SMOC2: variants seen among roughly 807,000 people sequenced by gnomAD.
SMOC2 encodes the protein SPARC-related modular calcium-binding protein 2.
A neutral mutation model predicts 61.4 loss-of-function variants in SMOC2; 39 were observed. The observed-to-expected ratio is 0.64, with a 90% confidence interval of 0.49 to 0.83. SMOC2 has a LOEUF of 0.83. Among genes scored for constraint, SMOC2 ranks in the 40% least tolerant of loss-of-function variants. SMOC2 has a pLI of 0.00. For missense variants in SMOC2, 556 were observed against 592.9 expected (o/e 0.94, Z 0.65); for synonymous variants, 247 against 239.9 (o/e 1.03, Z -0.27).
At position 168,633,194 on chromosome 6, in the gene SMOC2, G is replaced by T. The variant is rs554073729; in HGVS notation, c.908-17487G>T. Among the ~76,000 whole-genome samples, 7 of 152,340 alleles carry T rather than the reference G, an allele frequency of 4.6e-5. No homozygotes were observed. The South Asian group carries it at 1.5e-3, about 32-fold the overall frequency. Reference sequence around the variant, plus strand: ...CAAAATAAACTTCGGAAAATTTGGTGTATTCAGATAATCATTTGAACCTTG... The same window carrying T: ...CAAAATAAACTTCGGAAAATTTGGTTTATTCAGATAATCATTTGAACCTTG... On this transcript the variant is annotated intron_variant, in intron 9 of 12. Transcript: ENST00000356284.
intron 9 of SMOC2, among the ~76,000 whole-genome samples, chr6:168,614,517 G>A (rs1209711148): frequency 1.5e-5 from 1 of 67,452 alleles, no homozygotes; most frequent in Non-Finnish European, 2.8e-5. Flanking sequence ...CCAGCACAGG[G>A]CCTCTTCACA....
In SMOC2 at chr6:168,510,056, C is replaced by T; in HGVS notation, c.226C>T (p.Leu76=). The change falls in exon 2 of 13, where the codon CTA becomes TTA. Residue 76 remains leucine (L), a synonymous_variant. Transcript: ENST00000356284. ...ACGTGCCAAGTGCAAAGATCCCCAG[C>T]TAGAGATTGCATATCGAGGAAACTG... is the stretch of plus-strand genomic sequence containing the variant. ...FQRAKCKDPQ[L]EIAYRGNCKD... 1 of 1,614,190 alleles carries T rather than the reference C, an allele frequency of 6.2e-7. No homozygotes were observed. The highest frequency in any genetic ancestry group is 8.5e-7 in the Non-Finnish European group (1 of 1,180,002).
At chr6:168,570,467 C>T (rs892545340) in intron 7 of SMOC2, among the ~76,000 whole-genome samples, 3 of 152,214 alleles carry the variant, frequency 2.0e-5, no homozygotes, top group African/African-American at 7.2e-5. Flanking sequence ...GCCCAGGGCG[C>T]ACTCCTGCTA....
At chr6:168,624,707 GAC>G (rs1185071948) in intron 9 of SMOC2, among the ~76,000 whole-genome samples, 1 of 150,902 alleles carries the variant, frequency 6.6e-6, no homozygotes, top group African/African-American at 2.4e-5. Flanking sequence ...GATGTACACG[GAC>G]ACACAGACAC....
Position 168,480,169 on chromosome 6 carries a change from T to A in SMOC2, c.85-29746T>A, listed in dbSNP as rs554026398. 2.0e-5 allele frequency among the ~76,000 whole-genome samples: 3 copies of A among 152,290 alleles called. No individual in the cohort carries two copies. The South Asian group carries it at 6.2e-4, about 32-fold the overall frequency. On this transcript the variant is annotated intron_variant, in intron 1 of 12. Transcript: ENST00000356284. ...ATGAAGAATCTGACTTCAAGAGTTATCACAGTATTAAATTCAAATGTCCAG... is the reference window on the plus strand; with the variant it reads ...ATGAAGAATCTGACTTCAAGAGTTAACACAGTATTAAATTCAAATGTCCAG...
chr6:168,652,530 A>C (rs1238658377), intron 10 of SMOC2, among the ~76,000 whole-genome samples: 1 of 152,228 alleles, frequency 6.6e-6, no homozygotes, highest in Non-Finnish European at 1.5e-5. Context: ...CCAACTTAAA[A>C]TGTTTTTGAT....
chr6:168,652,231 A>G (rs573139613), intron 10 of SMOC2, among the ~76,000 whole-genome samples: 1 of 152,310 alleles, frequency 6.6e-6, no homozygotes, highest in Admixed American at 6.5e-5. Context: ...GATGGCAGTA[A>G]ATGGATTGTT....
rs3065283 is a variant in SMOC2, at chr6:168,516,376, C to CAAAAA, written c.256+6300_256+6304dup. 7.2e-4 allele frequency among the ~76,000 whole-genome samples: 96 copies of CAAAAA among 134,082 alleles called. 3 individuals are homozygous for CAAAAA. In the South Asian group the frequency reaches 0.021, roughly 30 times the overall value. The allele number at this position is 134,082 out of a possible 152,430, so 88.0% of individuals were successfully genotyped here. The stretch of plus-strand genomic sequence containing the variant: ...AATCTCTGGCATTCCATAGAAAAGC[C>CAAAAA]AAAAAAAAAAAAAAGCCAAATGCCA... On this transcript the variant is annotated intron_variant, in intron 2 of 12. Coordinates refer to ENST00000356284, the MANE Select transcript of SMOC2 (RefSeq NM_001166412.2).
intron 1 of SMOC2, 133 bp from the exon 2 acceptor site, chr6:168,509,782 G>A (rs1297141379): frequency 2.7e-6 from 2 of 741,740 alleles, no homozygotes; most frequent in Non-Finnish European, 4.1e-6. Context: ...TCTGGCAGGG[G>A]TGAGAACCGG....
chr6:168,613,754 C>T (rs1343533388), intron 9 of SMOC2, among the ~76,000 whole-genome samples: 4 of 103,460 alleles, frequency 3.9e-5, no homozygotes, highest in Admixed American at 9.3e-5. Context: ...GGCCTCTTCA[C>T]ACCTACAGCC....
In SMOC2 at chr6:168,484,064, A is replaced by G. The variant is rs368239608; in HGVS notation, c.85-25851A>G. Among the ~76,000 whole-genome samples, 15 of 152,344 alleles carry G rather than the reference A, an allele frequency of 9.8e-5. No individual in the cohort carries two copies. The East Asian group carries it at 2.9e-3, about 29-fold the overall frequency. On this transcript the variant is annotated intron_variant, in intron 1 of 12. Transcript: ENST00000356284. ...TTCTTGGATATGATGTCAAAGGCACAGGCAACACAAGAAAAATTGTACAAA... is the reference window on the plus strand; with the variant it reads ...TTCTTGGATATGATGTCAAAGGCACGGGCAACACAAGAAAAATTGTACAAA...
chr6:168,557,729 G>C (rs983258712), intron 7 of SMOC2, among the ~76,000 whole-genome samples: 18 of 152,190 alleles, frequency 1.2e-4, no homozygotes, highest in South Asian at 2.1e-4. Flanking sequence ...TCATGGGTCT[G>C]ATGTTGACGT....
intron 1 of SMOC2, among the ~76,000 whole-genome samples, chr6:168,502,230 T>G (rs566656398): frequency 1.5e-4 from 23 of 151,604 alleles, no homozygotes; most frequent in African/African-American, 5.1e-4. Context: ...TCCAAACACT[T>G]TCTCGTGCAC....
chr6:168,487,993 T>C (rs1228587550), intron 1 of SMOC2, among the ~76,000 whole-genome samples: 1 of 152,192 alleles, frequency 6.6e-6, no homozygotes, highest in Non-Finnish European at 1.5e-5. Context: ...TCGAGAGCAA[T>C]ATTTGAGGAG....
intron 12 of SMOC2, chr6:168,664,780 C>A (rs1288885308): frequency 4.2e-6 from 2 of 471,162 alleles, no homozygotes; most frequent in South Asian, 3.1e-5. Context: ...CAACCCATCG[C>A]AAGTCAAGAA....
At chr6:168,659,108 C>T (rs1472642088) in intron 11 of SMOC2, among the ~76,000 whole-genome samples, 8 of 151,502 alleles carry the variant, frequency 5.3e-5, no homozygotes. Context: ...GGTGTGTAAA[C>T]ACTAATACTG....
chr6:168,464,482 T>C (rs1781785230), intron 1 of SMOC2, among the ~76,000 whole-genome samples: 1 of 152,070 alleles, frequency 6.6e-6, no homozygotes, highest in Non-Finnish European at 1.5e-5. Context: ...GGTAGACAGG[T>C]TCTCCAATAA....
chr6:168,580,364 C>T (rs971767709), intron 7 of SMOC2, among the ~76,000 whole-genome samples: 4 of 152,300 alleles, frequency 2.6e-5, no homozygotes, highest in Non-Finnish European at 4.4e-5. Flanking sequence ...CTGGAGAGGG[C>T]CTGGTCCTCA....
Position 168,664,126 on chromosome 6 carries a change from A to T in SMOC2, c.1323+15A>T, listed in dbSNP as rs1469239113. The T allele has an allele frequency of 6.3e-7, 1 of 1,593,640 alleles. No individual in the cohort carries two copies. The highest frequency in any genetic ancestry group is 1.3e-5 in the African/African-American group (1 of 74,558). On this transcript the variant is annotated intron_variant, in intron 12 of 12. Coordinates refer to ENST00000356284, the MANE Select transcript of SMOC2 (RefSeq NM_001166412.2). ...CTAATAGACAGGTAAGTATGTTTAT[A>T]TTTTACTCTTAACCATTTCGTTTTT...
Sources: allele counts gnomAD v4.1 joint callset (sites outside exome capture counted in the v4.1 genomes callset), GRCh38; gene constraint gnomAD v4.1.1; transcripts MANE v1.5; gene names NCBI Gene and HGNC (gene_info 2026-07-23, HGNC 2026-07-21).